FCHSD2: variants seen among roughly 807,000 people sequenced by gnomAD.
FCHSD2 encodes F-BAR and double SH3 domains protein 2.
Under a neutral mutation model 108.1 loss-of-function variants are expected in FCHSD2, and 38 were observed. That is an observed-to-expected ratio of 0.35 (90% confidence interval 0.27 to 0.46). The LOEUF is 0.46. Ranked by LOEUF, FCHSD2 falls within the 20% of genes least tolerant of loss-of-function variation. The pLI, the probability that FCHSD2 is intolerant of heterozygous loss-of-function variation, is 1.00. For synonymous variants in FCHSD2, 279 were observed against 314.7 expected, an observed-to-expected ratio of 0.89 and a Z score of 1.20; for missense variants, 751 against 897.8, an observed-to-expected ratio of 0.84 and a Z score of 2.09.
At chr11:72,841,361 A>ACC in intron 18 of FCHSD2, 93 bp downstream of exon 18, 1 of 1,160,878 alleles carries the variant, frequency 8.6e-7, no homozygotes, top group Non-Finnish European at 1.2e-6. Context: ...AAAAAAAAAA[A>ACC]AAAGCAAATG....
intron 3 of FCHSD2, among the ~76,000 whole-genome samples, chr11:73,021,233 TA>T (rs1183952789): frequency 0.033 from 3,483 of 104,164 alleles, 59 homozygotes; most frequent in Admixed American, 0.08. Flanking sequence ...AAACATAGAA[TA>T]AAAAAAAAAA....
chr11:72,987,908 G>A (rs1027384092), intron 6 of FCHSD2, among the ~76,000 whole-genome samples: 2 of 152,050 alleles, frequency 1.3e-5, no homozygotes, highest in African/African-American at 4.8e-5. Flanking sequence ...AAAAGTACAG[G>A]AAATATTTGT....
Position 72,989,032 on chromosome 11 carries a change from G to C in FCHSD2, c.453C>G (p.Gly151=). The change falls in exon 6 of 20, where the codon GGC becomes GGG. Residue 151 remains glycine, a synonymous_variant. Coordinates refer to ENST00000409418, the MANE Select transcript of FCHSD2 (RefSeq NM_014824.3). The part of the protein sequence containing the change: ...LQETVKDLAK[G]KKKYFETEQM... ...GTTCAGTCTCAAAGTATTTCTTTTT[G>C]CCTTTAGCTAAATCTTTCACTGTCT... 6.2e-7 allele frequency: 1 copy of C among 1,610,500 alleles called. No individual in the cohort carries two copies. The highest frequency in any genetic ancestry group is 2.2e-5 in the East Asian group (1 of 44,848).
chr11:73,058,605 T>C (rs940252940), intron 3 of FCHSD2, among the ~76,000 whole-genome samples: 1 of 151,722 alleles, frequency 6.6e-6, no homozygotes, highest in Non-Finnish European at 1.5e-5. Context: ...TCCTTTTTTT[T>C]TTTTTTTTAA....
chr11:73,078,676 A>C (rs1187131877), intron 3 of FCHSD2, among the ~76,000 whole-genome samples: 1 of 152,028 alleles, frequency 6.6e-6, no homozygotes, highest in East Asian at 1.9e-4. Flanking sequence ...AAAGGTATGA[A>C]TATTAACTGC....
intron 3 of FCHSD2, among the ~76,000 whole-genome samples, chr11:73,016,120 T>A (rs920159809): frequency 1.3e-5 from 2 of 152,048 alleles, no homozygotes; most frequent in African/African-American, 4.8e-5. Flanking sequence ...TTGGCCAACA[T>A]GGTGAAAATC....
At chr11:72,864,314 A>G (rs1164811760) in intron 13 of FCHSD2, among the ~76,000 whole-genome samples, 1 of 152,216 alleles carries the variant, frequency 6.6e-6, no homozygotes, top group Admixed American at 6.5e-5. Context: ...TAATCCCAGC[A>G]CTTTGGGAGG....
chr11:73,130,790 T>C (rs185484148), intron 2 of FCHSD2, among the ~76,000 whole-genome samples: 2 of 152,368 alleles, frequency 1.3e-5, no homozygotes, highest in East Asian at 1.9e-4. Flanking sequence ...TATGGAAGTA[T>C]ATATTTACAT....
At chr11:73,084,675 T>C (rs548306068) in intron 2 of FCHSD2, among the ~76,000 whole-genome samples, 1 of 152,280 alleles carries the variant, frequency 6.6e-6, no homozygotes, top group Non-Finnish European at 1.5e-5. Context: ...ATTACTGGCA[T>C]GGGCCAACGT....
At chr11:72,865,085 A>G (rs1311679001) in intron 13 of FCHSD2, among the ~76,000 whole-genome samples, 1 of 152,196 alleles carries the variant, frequency 6.6e-6, no homozygotes, top group Non-Finnish European at 1.5e-5. Flanking sequence ...TAAAACATTT[A>G]TCTTCCACAA....
intron 12 of FCHSD2, among the ~76,000 whole-genome samples, chr11:72,876,974 CA>C (rs753247427): frequency 5.3e-5 from 8 of 150,856 alleles, no homozygotes; most frequent in Non-Finnish European, 7.4e-5. Flanking sequence ...ATGATCACTT[CA>C]TTTTTTTTTT....
intron 3 of FCHSD2, among the ~76,000 whole-genome samples, chr11:73,034,474 T>C (rs1858440009): frequency 6.6e-6 from 1 of 152,210 alleles, no homozygotes; most frequent in Non-Finnish European, 1.5e-5. Flanking sequence ...CAGAAACTGT[T>C]ACTAATGTTA....
At chr11:73,070,062 A>G (rs1859396199) in intron 3 of FCHSD2, among the ~76,000 whole-genome samples, 1 of 152,228 alleles carries the variant, frequency 6.6e-6, no homozygotes, top group Admixed American at 6.5e-5. Flanking sequence ...ATCAGTCACA[A>G]GAACTTCTGG....
chr11:73,129,386 A>C (rs1386925840), intron 2 of FCHSD2, among the ~76,000 whole-genome samples: 1 of 152,140 alleles, frequency 6.6e-6, no homozygotes, highest in Non-Finnish European at 1.5e-5. Context: ...CTTCGTCCAT[A>C]CTTACAGCCG....
At chr11:72,923,054 T>C (rs910213318) in intron 8 of FCHSD2, among the ~76,000 whole-genome samples, 2 of 152,282 alleles carry the variant, frequency 1.3e-5, no homozygotes, top group South Asian at 2.1e-4. Flanking sequence ...TATATGACTT[T>C]TGGTGCCTGG....
At chr11:72,909,668 G>T (rs1383226852) in intron 9 of FCHSD2, among the ~76,000 whole-genome samples, 1 of 150,204 alleles carries the variant, frequency 6.7e-6, no homozygotes, top group East Asian at 2.0e-4. Context: ...TGGGAAGTGG[G>T]GAGCGCCTCT....
At chr11:72,936,142 G>A (rs945374472) in intron 8 of FCHSD2, among the ~76,000 whole-genome samples, 3 of 152,160 alleles carry the variant, frequency 2.0e-5, no homozygotes, top group Non-Finnish European at 2.9e-5. Context: ...TTCCTTATCT[G>A]ACAGAATCAT....
At chr11:72,890,829 A>G (rs573137985) in intron 10 of FCHSD2, among the ~76,000 whole-genome samples, 2 of 152,240 alleles carry the variant, frequency 1.3e-5, no homozygotes, top group Admixed American at 6.5e-5. Context: ...TAAACACAAA[A>G]CTATTTTAAT....
At chr11:73,031,799 G>A (rs1380346903) in intron 3 of FCHSD2, among the ~76,000 whole-genome samples, 2 of 152,116 alleles carry the variant, frequency 1.3e-5, no homozygotes, top group Non-Finnish European at 2.9e-5. Flanking sequence ...GGTAAGAGCT[G>A]GCACAGCAGC....
Sources: gnomAD v4.1 joint callset for allele counts (sites outside exome capture counted in the v4.1 genomes callset) on GRCh38, gnomAD v4.1.1 for gene constraint, MANE v1.5 for transcripts, NCBI Gene and HGNC (gene_info 2026-07-23, HGNC 2026-07-21) for gene names.